Variants in USP28 observed in about 807,000 individuals in gnomAD.
USP28 encodes ubiquitin specific peptidase 28, also known as ubiquitin carboxyl-terminal hydrolase 28.
In USP28, 113 loss-of-function variants were observed where a neutral mutation model predicts 145.0. The observed-to-expected ratio is 0.78, with a 90% CI of 0.67 to 0.91. USP28 has a LOEUF of 0.91. USP28 is among the 40% of genes least tolerant of loss of function. The pLI is 0.00. For synonymous variants in USP28, 447 were observed against 450.9 expected, an observed-to-expected ratio of 0.99 and a Z score of 0.11; for missense variants, 1,201 against 1,289.6, an observed-to-expected ratio of 0.93 and a Z score of 1.05.
intron 1 of USP28, among the ~76,000 whole-genome samples, chr11:113,863,853 G>A (rs1947978057): frequency 6.6e-6 from 1 of 151,696 alleles, no homozygotes; most frequent in Admixed American, 6.6e-5. Context: ...GCTGAGGCAG[G>A]AGAATGGCAT....
chr11:113,823,884 C>T (rs111705261), intron 11 of USP28, among the ~76,000 whole-genome samples, 184 bp from the exon 12 acceptor site: 1,835 of 152,176 alleles, frequency 0.012, 22 homozygotes, highest in South Asian at 0.032. Context: ...AACAAGGATA[C>T]CCACTCTTGC....
intron 3 of USP28, among the ~76,000 whole-genome samples, chr11:113,852,261 C>A (rs1181575385): frequency 6.6e-6 from 1 of 152,134 alleles, no homozygotes; most frequent in East Asian, 1.9e-4. Flanking sequence ...ATCTCCTGAC[C>A]TCGTAATCCG....
chr11:113,826,932 A>C (rs574313795), intron 11 of USP28, among the ~76,000 whole-genome samples: 6 of 151,874 alleles, frequency 4.0e-5, no homozygotes, highest in Admixed American at 2.0e-4. Flanking sequence ...AAAAAAAAAA[A>C]AACAAAAATT....
chr11:113,816,146 G>A (rs1029911779), intron 13 of USP28, among the ~76,000 whole-genome samples: 1 of 152,140 alleles, frequency 6.6e-6, no homozygotes. Flanking sequence ...TATAAAATAA[G>A]CTTCTAATTG....
intron 3 of USP28, among the ~76,000 whole-genome samples, chr11:113,852,032 T>C (rs1354585477): frequency 1.3e-5 from 2 of 152,206 alleles, no homozygotes; most frequent in South Asian, 2.1e-4. Flanking sequence ...AATGAAACTT[T>C]TTTTTTCTTT....
intron 1 of USP28, among the ~76,000 whole-genome samples, chr11:113,855,163 CA>C (rs1346097043): frequency 6.6e-6 from 1 of 152,168 alleles, no homozygotes; most frequent in Non-Finnish European, 1.5e-5. Flanking sequence ...TACATAATTT[CA>C]AAGGGTATAA....
chr11:113,798,108 CTTACTT>C (rs1938276844), exon 25 of USP28: 1 of 125,102 alleles, frequency 8.0e-6, no homozygotes, highest in Non-Finnish European at 1.6e-5. Flanking sequence ...ACCCACATCC[CTTACTT>C]TTAAGGGCAA....
At chr11:113,822,790 A>G (rs1000044947) in intron 12 of USP28, among the ~76,000 whole-genome samples, 1 of 152,272 alleles carries the variant, frequency 6.6e-6, no homozygotes, top group East Asian at 1.9e-4. Context: ...ACTAGTCACA[A>G]TACATCTTGT....
At chr11:113,864,060 G>A (rs966608055) in intron 1 of USP28, among the ~76,000 whole-genome samples, 1 of 149,312 alleles carries the variant, frequency 6.7e-6, no homozygotes, top group African/African-American at 2.5e-5. Context: ...CCAACATGGT[G>A]AAACCCCCAT....
In USP28 at chr11:113,806,604, A is replaced by G. The variant is rs376544782; in HGVS notation, c.2305-20T>C. 29 of 1,506,420 alleles carry G rather than the reference A, an allele frequency of 1.9e-5. No individual in the cohort carries two copies. In the African/African-American group the frequency reaches 4.1e-4, roughly 21 times the overall value. 93.3% of individuals were successfully genotyped at this position (1,506,420 alleles called of 1,614,324 possible). A position where few individuals can be genotyped will look rare whatever the true frequency, so the allele number is the denominator to read the frequency against. ...CATCACCTACCACAAGGGGGCACAA[A>G]ACACAGAGAGAAAGGAGAGAAGAAA... On this transcript the variant is annotated intron_variant, in intron 18 of 24. Transcript: ENST00000003302.
chr11:113,846,161 A>G (rs978778516), intron 3 of USP28, among the ~76,000 whole-genome samples: 3 of 152,230 alleles, frequency 2.0e-5, no homozygotes, highest in Non-Finnish European at 4.4e-5. Flanking sequence ...AAAGAGTAGA[A>G]TGGAGGACAG....
At chr11:113,833,118 T>C (rs1021041929) in intron 7 of USP28, among the ~76,000 whole-genome samples, 2 of 152,216 alleles carry the variant, frequency 1.3e-5, no homozygotes, top group African/African-American at 4.8e-5. Context: ...TACAGCTCAT[T>C]GAGGTATTTT....
At position 113,815,385 on chromosome 11, in the gene USP28, G is replaced by A; in HGVS notation, c.1464-3C>T. 6.2e-7 allele frequency: 1 copy of A among 1,609,528 alleles called. No homozygotes were observed. Among genetic ancestry groups the A allele is most frequent in the East Asian group, 2.2e-5 (1 of 44,860 alleles). ...GAGAAGAGCTTTCTGTACTTGTACT[G>A]AGGAAGACAAAAATCATGCTCATAT... is the stretch of plus-strand genomic sequence containing the variant. On this transcript the variant is annotated splice_region_variant and splice_polypyrimidine_tract_variant and intron_variant, in intron 13 of 24. Transcript: ENST00000003302.
chr11:113,834,273 T>A, exon 6 of USP28: 1 of 1,612,316 alleles, frequency 6.2e-7, no homozygotes, highest in Non-Finnish European at 8.5e-7. Context: ...AATTTTCAAG[T>A]ACATTTTGTG....
chr11:113,816,850 A>C (rs1365033533), intron 13 of USP28, among the ~76,000 whole-genome samples: 2 of 152,226 alleles, frequency 1.3e-5, no homozygotes, highest in Non-Finnish European at 2.9e-5. Flanking sequence ...GTGAAAGAGC[A>C]GCCCCACTCC....
At chr11:113,862,576 A>C (rs1332217084) in intron 1 of USP28, among the ~76,000 whole-genome samples, 2 of 152,230 alleles carry the variant, frequency 1.3e-5, no homozygotes, top group Non-Finnish European at 2.9e-5. Context: ...CTTGAGTTAC[A>C]GGGCTACTGA....
At chr11:113,844,726 C>G (rs900349567) in intron 3 of USP28, among the ~76,000 whole-genome samples, 2 of 151,982 alleles carry the variant, frequency 1.3e-5, no homozygotes, top group African/African-American at 4.8e-5. Context: ...CCCATAGGGA[C>G]AGCTATCAAA....
chr11:113,860,630 T>G (rs1459064804), intron 1 of USP28, among the ~76,000 whole-genome samples: 1 of 150,604 alleles, frequency 6.6e-6, no homozygotes, highest in Admixed American at 6.6e-5. Context: ...GCCAATATGG[T>G]GAAACCCCAT....
chr11:113,821,562 T>C, intron 12 of USP28: 1 of 194,168 alleles, frequency 5.2e-6, no homozygotes, highest in Non-Finnish European at 1.1e-5. Flanking sequence ...AGAATCAGCA[T>C]TCTTTGAAGG....
Sources: allele counts gnomAD v4.1 joint callset (sites outside exome capture counted in the v4.1 genomes callset), GRCh38; gene constraint gnomAD v4.1.1; transcripts MANE v1.5; gene names NCBI Gene and HGNC (gene_info 2026-07-23, HGNC 2026-07-21).